CHST15: variants seen among roughly 807,000 people sequenced by gnomAD.
CHST15 encodes the protein B cell RAG associated protein (GALNAC4S-6ST).
A neutral mutation model predicts 53.6 loss-of-function variants in CHST15; 30 were observed. The observed-to-expected ratio is 0.56, with a 90% CI of 0.42 to 0.76. The LOEUF (loss-of-function observed/expected upper bound fraction) is 0.76, where lower values mean the gene tolerates loss of function less well. CHST15 is among the 30% of genes least tolerant of loss of function. CHST15 has a pLI of 0.00. For missense variants in CHST15, 627 were observed against 740.5 expected (o/e 0.85, Z 1.78); for synonymous variants, 296 against 289.8 (o/e 1.02, Z -0.22).
At chr10:124,075,619 C>G (rs571353922) in intron 1 of CHST15, among the ~76,000 whole-genome samples, 57 of 152,132 alleles carry the variant, frequency 3.7e-4, no homozygotes, top group Non-Finnish European at 7.2e-4. Flanking sequence ...GCATCCACCC[C>G]CTACACTCCC....
chr10:124,025,367 G>A (rs1355915958), intron 5 of CHST15, among the ~76,000 whole-genome samples: 1 of 152,186 alleles, frequency 6.6e-6, no homozygotes, highest in Non-Finnish European at 1.5e-5. Context: ...CAGCCTTTGA[G>A]AGCCAGGCCA....
At chr10:124,020,039 GCTCCCTGCCCAGCCTCCATCTTCT>G (rs1946719405) in intron 6 of CHST15, 1 of 985,692 alleles carries the variant, frequency 1.0e-6, no homozygotes. Context: ...GGTGGCCAGA[GCTCCCTGCCCAGCCTCCATCTTCT>G]CTCCCCGCCA....
rs190776258 is a variant in CHST15 at position 124,073,905 on chromosome 10, G to A, written c.-513+19564C>T. Among the ~76,000 whole-genome samples, 303 of 152,246 alleles carry A rather than the reference G, an allele frequency of 2.0e-3. 1 individual carries two copies. The highest frequency in any genetic ancestry group is 2.9e-3 in the Non-Finnish European group (199 of 68,014). On this transcript the variant is annotated intron_variant, in intron 1 of 7. Transcript: ENST00000435907. Reference sequence around the variant, plus strand: ...TTGCCAGGTCTGATGGGTTTCCAGGGTCTTAAATGGCTCCTCCTGGGTGGA... The same window carrying A: ...TTGCCAGGTCTGATGGGTTTCCAGGATCTTAAATGGCTCCTCCTGGGTGGA...
chr10:124,052,503 T>G (rs1049019709), intron 1 of CHST15, among the ~76,000 whole-genome samples: 14 of 152,184 alleles, frequency 9.2e-5, no homozygotes, highest in African/African-American at 3.4e-4. Context: ...GACAAATCAC[T>G]TAAGGTTTCT....
chr10:124,013,711 A>G (rs1417042262), intron 6 of CHST15, among the ~76,000 whole-genome samples: 1 of 152,172 alleles, frequency 6.6e-6, no homozygotes, highest in Non-Finnish European at 1.5e-5. Flanking sequence ...CTAAACTCTT[A>G]GCAAAGCTTC....
At chr10:124,058,360 C>T (rs369943231) in intron 1 of CHST15, among the ~76,000 whole-genome samples, 1 of 152,202 alleles carries the variant, frequency 6.6e-6, no homozygotes, top group African/African-American at 2.4e-5. Flanking sequence ...GAGGATCATG[C>T]TAGGTCCCTT....
intron 1 of CHST15, among the ~76,000 whole-genome samples, chr10:124,078,679 A>G (rs1949151386): frequency 6.6e-6 from 1 of 152,214 alleles, no homozygotes; most frequent in Admixed American, 6.5e-5. Context: ...CTGATTGTCA[A>G]TTGGAAGGGA....
chr10:124,023,468 G>A (rs1024485168), intron 5 of CHST15, among the ~76,000 whole-genome samples: 2 of 149,934 alleles, frequency 1.3e-5, no homozygotes, highest in Admixed American at 1.3e-4. Context: ...CTGGGCAATG[G>A]GAGTGAGAAC....
chr10:124,067,039 G>C (rs999368568), intron 1 of CHST15, among the ~76,000 whole-genome samples: 3 of 152,252 alleles, frequency 2.0e-5, no homozygotes, highest in African/African-American at 7.2e-5. Flanking sequence ...ACTTAGCACT[G>C]TGCCGGGCAT....
intron 1 of CHST15, among the ~76,000 whole-genome samples, chr10:124,088,185 C>T (rs1218471805): frequency 1.3e-5 from 2 of 152,254 alleles, no homozygotes; most frequent in African/African-American, 4.8e-5. Flanking sequence ...CACCCGCCCT[C>T]AAGCCAGGGG....
In CHST15 at chr10:124,033,446, G is replaced by T. The variant is rs1044066513; in HGVS notation, c.1190+5069C>A. ...AGAACGGGAGGTGGCTGACTCCTAGGACGGTCCTCAGTGATCCCCGGTTCT... is the reference window on the plus strand; with the variant it reads ...AGAACGGGAGGTGGCTGACTCCTAGTACGGTCCTCAGTGATCCCCGGTTCT... On this transcript the variant is annotated intron_variant, in intron 5 of 7. Coordinates refer to ENST00000435907, the MANE Select transcript of CHST15 (RefSeq NM_001270764.2). 4.6e-5 allele frequency among the ~76,000 whole-genome samples: 7 copies of T among 152,196 alleles called. No homozygotes were observed. In the South Asian group the frequency reaches 1.2e-3, roughly 27 times the overall value.
At chr10:124,026,920 A>C (rs980451618) in intron 5 of CHST15, among the ~76,000 whole-genome samples, 4 of 152,162 alleles carry the variant, frequency 2.6e-5, no homozygotes, top group Non-Finnish European at 4.4e-5. Flanking sequence ...TGGTCCTAGA[A>C]GGCAGGAGCA....
Position 124,050,764 on chromosome 10 carries a change from T to C in CHST15, c.-512-4040A>G, listed in dbSNP as rs1429964957. Among the ~76,000 whole-genome samples the C allele has an allele frequency of 2.6e-5, 4 of 152,108 alleles. No individual in the cohort carries two copies. In the East Asian group the frequency reaches 7.7e-4, roughly 29 times the overall value. ...GAGACCAGGGGAAGCAAAGGCCCCG[T>C]AGAGAGACGCTGTGGGGAGTCCCAG... is the stretch of plus-strand genomic sequence containing the variant. On this transcript the variant is annotated intron_variant, in intron 1 of 7. Transcript: ENST00000435907.
chr10:124,011,334 C>T, intron 7 of CHST15: 2 of 949,072 alleles, frequency 2.1e-6, no homozygotes, highest in South Asian at 4.9e-5. Context: ...AAAAGACAAG[C>T]TCATTAATGG....
intron 1 of CHST15, among the ~76,000 whole-genome samples, chr10:124,049,259 T>G (rs943420875): frequency 1.3e-5 from 2 of 152,202 alleles, no homozygotes; most frequent in Non-Finnish European, 2.9e-5. Flanking sequence ...GTCTCTATCC[T>G]CGGGTACTGG....
intron 6 of CHST15, among the ~76,000 whole-genome samples, chr10:124,013,083 T>G (rs1946466445): frequency 6.6e-6 from 1 of 152,338 alleles, no homozygotes; most frequent in African/African-American, 2.4e-5. Flanking sequence ...TCTCGTGCCT[T>G]ACTGCAAGCC....
chr10:124,025,441 G>C (rs938055868), intron 5 of CHST15, among the ~76,000 whole-genome samples: 1 of 152,196 alleles, frequency 6.6e-6, no homozygotes, highest in African/African-American at 2.4e-5. Flanking sequence ...TGGGTACTTT[G>C]GATCTGCTCA....
chr10:124,048,459 C>A (rs534336267), intron 1 of CHST15, among the ~76,000 whole-genome samples: 1 of 152,340 alleles, frequency 6.6e-6, no homozygotes, highest in Admixed American at 6.5e-5. Context: ...GGCCAGACAT[C>A]TCAGGCCCTA....
At chr10:124,060,250 G>A (rs905082957) in intron 1 of CHST15, among the ~76,000 whole-genome samples, 7 of 145,434 alleles carry the variant, frequency 4.8e-5, no homozygotes, top group Admixed American at 2.0e-4. Flanking sequence ...TGCCAGCCCC[G>A]CCCCCAGGAG....
Sources: allele counts gnomAD v4.1 joint callset (sites outside exome capture counted in the v4.1 genomes callset), GRCh38; gene constraint gnomAD v4.1.1; transcripts MANE v1.5; gene names NCBI Gene and HGNC (gene_info 2026-07-23, HGNC 2026-07-21).